The following PDGFRB variants were observed in gnomAD, a reference collection of about 807,000 sequenced individuals.
PDGFRB encodes the protein platelet derived growth factor receptor beta.
Under a neutral mutation model 120.2 loss-of-function variants are expected in PDGFRB, and 42 were observed. The observed-to-expected ratio is 0.35, with a 90% CI of 0.27 to 0.45. The LOEUF is 0.45. PDGFRB is among the 20% of genes least tolerant of loss of function. PDGFRB has a pLI of 1.00. For synonymous variants in PDGFRB, 586 were observed against 606.8 expected (o/e 0.97, Z 0.50); for missense variants, 1,149 against 1,476.3 (o/e 0.78, Z 3.63).
chr5:150,117,540 GCGCGCACACACA>G lies in PDGFRB; in HGVS notation c.3137+66_3137+77del, dbSNP rs1390018616. 186 of 593,336 alleles carry G rather than the reference GCGCGCACACACA, an allele frequency of 3.1e-4. No homozygotes were observed. In the African/African-American group the frequency reaches 3.6e-3, roughly 12 times the overall value. The allele number at this position is 593,336 out of a possible 1,614,324, so 36.8% of individuals were successfully genotyped here. A position where few individuals can be genotyped will look rare whatever the true frequency, so the allele number is the denominator to read the frequency against. On this transcript the variant is annotated intron_variant, in intron 22 of 22. Transcript: ENST00000261799. ...GGCAAACCTGGCAGCGCGCGCGCGC[GCGCGCACACACA>G]CACACACACACACACACACACACAC...
rs1580807618 is a variant in PDGFRB, at chr5:150,132,636, A to G, written c.1127+114T>C. The stretch of plus-strand genomic sequence containing the variant: ...CGCTGCAGCATCCCCAGCACCTGGC[A>G]CCTAATATGCTCTCAGAAAGCTGGG... On this transcript the variant is annotated intron_variant, in intron 7 of 22. Transcript: ENST00000261799. This position sits in a 1 kb window ranked among gnomAD's most constrained non-coding sequence, Gnocchi z 5.0. 1.0e-6 allele frequency: 1 copy of G among 955,036 alleles called. No individual in the cohort carries two copies. Among genetic ancestry groups the G allele is most frequent in the Non-Finnish European group, 1.5e-6 (1 of 647,472 alleles). The allele number at this position is 955,036 out of a possible 1,614,324, so 59.2% of individuals were successfully genotyped here. A position where few individuals can be genotyped will look rare whatever the true frequency, so the allele number is the denominator to read the frequency against.
intron 1 of PDGFRB, among the ~76,000 whole-genome samples, chr5:150,145,382 A>G (rs145208270): frequency 6.6e-6 from 1 of 152,338 alleles, no homozygotes; most frequent in Non-Finnish European, 1.5e-5. Context: ...TGAATTTTCA[A>G]CTTTGCAGTT....
intron 1 of PDGFRB, 193 bp from the exon 2 acceptor site, chr5:150,137,246 C>T: frequency 3.6e-6 from 2 of 557,886 alleles, no homozygotes; most frequent in Non-Finnish European, 3.2e-6. Context: ...CCTCTCCATC[C>T]CGGACTTAGC....
chr5:150,127,441 C>A (rs918226215), intron 10 of PDGFRB, among the ~76,000 whole-genome samples: 1 of 152,194 alleles, frequency 6.6e-6, no homozygotes, highest in Non-Finnish European at 1.5e-5. Flanking sequence ...TCCTCCCCAT[C>A]CATTGCTATA....
chr5:150,134,681 T>C (rs1414117346), intron 4 of PDGFRB, 69 bp downstream of exon 4: 30 of 1,432,082 alleles, frequency 2.1e-5, no homozygotes, highest in Non-Finnish European at 2.7e-5. Flanking sequence ...TTGTAAACTG[T>C]AAAGGGCTAT....
chr5:150,128,049 T>C (rs145696026), intron 10 of PDGFRB, among the ~76,000 whole-genome samples: 78 of 152,008 alleles, frequency 5.1e-4, no homozygotes, highest in African/African-American at 1.8e-3. Context: ...CCAACATCCC[T>C]CTTCTCCTCC....
In PDGFRB at chr5:150,114,803, G is replaced by A. The variant is rs552875539; in HGVS notation, c.*960C>T. ...CAAGGCACTCAGAGTTAATAAGTCC[G>A]ACTTATTCATTTTTTGAAGGGGAAA... On this transcript the variant is annotated 3_prime_UTR_variant, in exon 23 of 23. Transcript: ENST00000261799. The A allele has an allele frequency of 8.1e-5, 19 of 233,680 alleles. No homozygotes were observed. Among genetic ancestry groups the A allele is most frequent in the Admixed American group, 1.7e-4 (3 of 17,794 alleles). 14.5% of individuals were successfully genotyped at this position (233,680 alleles called of 1,614,324 possible).
At chr5:150,124,402 G>C in intron 13 of PDGFRB, 42 bp from the exon 14 acceptor site, 3 of 1,370,016 alleles carry the variant, frequency 2.2e-6, no homozygotes, top group Non-Finnish European at 3.1e-6. Flanking sequence ...AGTCATGGAG[G>C]CTCCATGGAG....
chr5:150,119,433 C>T, intron 20 of PDGFRB, 34 bp downstream of exon 20: 1 of 1,226,972 alleles, frequency 8.2e-7, no homozygotes, highest in Non-Finnish European at 1.2e-6. Flanking sequence ...GTTTGCAGCA[C>T]AAAATCCTCC....
chr5:150,133,569 G>A lies in PDGFRB; in HGVS notation c.934+17C>T, dbSNP rs770060361. On this transcript the variant is annotated intron_variant, in intron 6 of 22. Transcript: ENST00000261799. ...CGTTGAAGGAATTGGGGATTGGGCTGAGCCCAAGGCACACACCAACCACGG... is the reference window on the plus strand; with the variant it reads ...CGTTGAAGGAATTGGGGATTGGGCTAAGCCCAAGGCACACACCAACCACGG... 13 of 1,607,484 alleles carry A rather than the reference G, an allele frequency of 8.1e-6. No individual in the cohort carries two copies. The highest frequency in any genetic ancestry group is 5.0e-5 in the Admixed American group (3 of 59,988).
chr5:150,147,309 G>T (rs1760950520), intron 1 of PDGFRB, among the ~76,000 whole-genome samples: 1 of 152,228 alleles, frequency 6.6e-6, no homozygotes, highest in Non-Finnish European at 1.5e-5. Flanking sequence ...GCAACAGGGA[G>T]TGCCAGGCCC....
At chr5:150,116,003 A>G (rs978406377) in intron 22 of PDGFRB, 57 bp from the exon 23 acceptor site, 9 of 1,499,862 alleles carry the variant, frequency 6.0e-6, no homozygotes, top group Non-Finnish European at 8.1e-6. Flanking sequence ...GGATTCCAGC[A>G]GCAGTCATGA....
chr5:150,126,008 G>A (rs778538600), intron 11 of PDGFRB, among the ~76,000 whole-genome samples: 7 of 152,228 alleles, frequency 4.6e-5, no homozygotes, highest in Non-Finnish European at 7.3e-5. Flanking sequence ...GACATCTTAA[G>A]GTGTTGGAAC....
intron 4 of PDGFRB, 85 bp downstream of exon 4, chr5:150,134,665 C>A: frequency 7.8e-7 from 1 of 1,281,864 alleles, no homozygotes; most frequent in Non-Finnish European, 1.1e-6. Flanking sequence ...AGTGGAGTCC[C>A]ACACTTTGTA....
chr5:150,149,616 T>G (rs1761017145), intron 1 of PDGFRB, among the ~76,000 whole-genome samples: 1 of 152,220 alleles, frequency 6.6e-6, no homozygotes, highest in African/African-American at 2.4e-5. Flanking sequence ...GGCCCTGGGT[T>G]GGACACTGAT....
intron 1 of PDGFRB, among the ~76,000 whole-genome samples, chr5:150,144,333 G>C (rs17652176): frequency 6.6e-6 from 1 of 152,096 alleles, no homozygotes; most frequent in Admixed American, 6.5e-5. Context: ...AGAATCTTCC[G>C]GCCCGGCCCT....
Position 150,133,979 on chromosome 5 carries a change from C to G in PDGFRB, c.661G>C (p.Val221Leu), listed in dbSNP as rs770718375. ...TCACCCTGGCGGACCACAGTCTGCA[C>G]TGCGTTCACAGAGACGTTGATGGAT... ...VSSINVSVNA[V>L]QTVVRQGENI... The change falls in exon 5 of 23, where the codon GTG (valine) becomes CTG (leucine). Residue 221 changes from valine to leucine, a missense_variant. Val to Leu is a conservative substitution (Grantham distance 32). Transcript: ENST00000261799. The G allele has an allele frequency of 6.2e-7, 1 of 1,613,998 alleles. No homozygotes were observed. The highest frequency in any genetic ancestry group is 8.5e-7 in the Non-Finnish European group (1 of 1,179,884).
Position 150,155,604 on chromosome 5 carries a change from G to A in PDGFRB, c.-214C>T. 2.5e-6 allele frequency: 1 copy of A among 398,918 alleles called. No individual in the cohort carries two copies. The highest frequency in any genetic ancestry group is 4.4e-6 in the Non-Finnish European group (1 of 226,334). 24.7% of individuals were successfully genotyped at this position (398,918 alleles called of 1,614,324 possible). The stretch of plus-strand genomic sequence containing the variant: ...GGGATGGAGGAAGGGGGCTGCTGTA[G>A]GGGAGAGGAGCGGCCCAGCTTCGCC... On this transcript the variant is annotated 5_prime_UTR_variant, in exon 1 of 23. Transcript: ENST00000261799.
chr5:150,133,547 T>C, intron 6 of PDGFRB, 39 bp downstream of exon 6: 2 of 1,570,890 alleles, frequency 1.3e-6, no homozygotes, highest in Non-Finnish European at 1.8e-6. Context: ...TGGGGAGCGT[T>C]GAAGGAATTG....
Sources: gnomAD v4.1 joint callset for allele counts (sites outside exome capture counted in the v4.1 genomes callset) on GRCh38, gnomAD v4.1.1 for gene constraint, Gnocchi (gnomAD v3.1) non-coding constraint, MANE v1.5 for transcripts, NCBI Gene and HGNC (gene_info 2026-07-23, HGNC 2026-07-21) for gene names.